Variants in FRMD4A observed in about 807,000 individuals in gnomAD.
The protein encoded by FRMD4A is FERM domain-containing protein 4A.
In FRMD4A, 29 loss-of-function variants were observed where a neutral mutation model predicts 129.1. That is an observed-to-expected ratio of 0.22 (90% confidence interval 0.17 to 0.31). The LOEUF (loss-of-function observed/expected upper bound fraction) is 0.31. FRMD4A is among the 10% of genes least tolerant of loss of function. The pLI is 1.00. For missense variants in FRMD4A, 1,272 were observed against 1,375.8 expected, an observed-to-expected ratio of 0.92 and a Z score of 1.19; for synonymous variants, 634 against 571.6, an observed-to-expected ratio of 1.11 and a Z score of -1.56.
chr10:14,283,665 A>G (rs1316979721), intron 2 of FRMD4A, among the ~76,000 whole-genome samples: 2 of 152,188 alleles, frequency 1.3e-5, no homozygotes, highest in African/African-American at 4.8e-5. Context: ...TTCCTTTGAT[A>G]ATGTGTAATG....
At chr10:13,961,819 A>C (rs1327211239) in intron 2 of FRMD4A, among the ~76,000 whole-genome samples, 1 of 152,194 alleles carries the variant, frequency 6.6e-6, no homozygotes, top group Non-Finnish European at 1.5e-5. Flanking sequence ...CCTTTATAAG[A>C]ATATGGAATC....
chr10:13,656,923 TCGCCGCCGC>T lies in FRMD4A; in HGVS notation c.2657_2665del (p.Gly886_Gly888del), dbSNP rs536647518. ...CGTCAGGCGGCCCGTGTCGCCCTCG[TCGCCGCCGC>T]CGCCGCGCCAGCTCTCCTTGAACAG... On this transcript the variant is annotated inframe_deletion, in exon 22 of 25. Transcript: ENST00000357447. 32 of 1,497,228 alleles carry T rather than the reference TCGCCGCCGC, an allele frequency of 2.1e-5. No homozygotes were observed. The South Asian group carries it at 2.6e-4, about 12-fold the overall frequency. The allele number at this position is 1,497,228 out of a possible 1,614,324, so 92.7% of individuals were successfully genotyped here.
At chr10:13,935,020 T>G (rs538217807) in intron 2 of FRMD4A, among the ~76,000 whole-genome samples, 2 of 152,258 alleles carry the variant, frequency 1.3e-5, no homozygotes, top group African/African-American at 4.8e-5. Flanking sequence ...TAGGGCCTCT[T>G]TTACAAGAGC....
chr10:14,000,749 C>T (rs1259154504), intron 2 of FRMD4A, among the ~76,000 whole-genome samples: 1 of 148,280 alleles, frequency 6.7e-6, no homozygotes, highest in African/African-American at 2.5e-5. Flanking sequence ...GATTGAAAGA[C>T]ACACAAAAGG....
At chr10:14,145,894 G>A (rs1176572253) in intron 2 of FRMD4A, among the ~76,000 whole-genome samples, 9 of 152,138 alleles carry the variant, frequency 5.9e-5, no homozygotes, top group South Asian at 4.2e-4. Flanking sequence ...TTAGAGTAAC[G>A]TGCTTATTTT....
chr10:14,145,832 TC>T (rs1197878869), intron 2 of FRMD4A, among the ~76,000 whole-genome samples: 1 of 152,170 alleles, frequency 6.6e-6, no homozygotes, highest in Non-Finnish European at 1.5e-5. Flanking sequence ...ATGTTCACCT[TC>T]TTTATAAGCA....
intron 2 of FRMD4A, among the ~76,000 whole-genome samples, chr10:14,309,267 T>C (rs1846457393): frequency 6.6e-6 from 1 of 152,060 alleles, no homozygotes; most frequent in Non-Finnish European, 1.5e-5. Flanking sequence ...TTGGACAACA[T>C]AGTGAGACCT....
chr10:14,065,674 T>C (rs868397059), intron 2 of FRMD4A, among the ~76,000 whole-genome samples: 3 of 152,134 alleles, frequency 2.0e-5, no homozygotes, highest in African/African-American at 7.2e-5. Context: ...TTTAGAGAAA[T>C]GTCCCCATCA....
chr10:13,803,638 C>G (rs1246692545), intron 4 of FRMD4A, among the ~76,000 whole-genome samples: 2 of 46,934 alleles, frequency 4.3e-5, no homozygotes, highest in Non-Finnish European at 8.4e-5. Context: ...ATACCCAGCC[C>G]CCAATTTTCT....
At chr10:13,685,001 ATATT>A in intron 15 of FRMD4A, 18 of 983,706 alleles carry the variant, frequency 1.8e-5, no homozygotes, top group Non-Finnish European at 2.2e-5. Flanking sequence ...TGATAAAAAG[ATATT>A]TATTTCCTTG....
At position 14,079,216 on chromosome 10, in the gene FRMD4A, C is replaced by T. The variant is rs141284909; in HGVS notation, c.46-220304G>A. Among the ~76,000 whole-genome samples, 428 of 152,198 alleles carry T rather than the reference C, an allele frequency of 2.8e-3. 4 individuals carry two copies. The highest frequency in any genetic ancestry group is 8.9e-3 in the African/African-American group (368 of 41,526). On this transcript the variant is annotated intron_variant, in intron 2 of 24. Transcript: ENST00000357447. The stretch of plus-strand genomic sequence containing the variant: ...AGGTGAGCTGTGGGGAGTTTACATA[C>T]GGAGGTGGAAAATGGCCAAACTGGG...
At chr10:13,654,755 C>T in intron 22 of FRMD4A, 1 of 538,816 alleles carries the variant, frequency 1.9e-6, no homozygotes, top group Non-Finnish European at 3.3e-6. Context: ...CTACCATGCA[C>T]CTTCATTCTG....
intron 2 of FRMD4A, among the ~76,000 whole-genome samples, chr10:14,198,103 C>T (rs1240295858): frequency 2.0e-5 from 3 of 152,224 alleles, no homozygotes; most frequent in Non-Finnish European, 2.9e-5. Flanking sequence ...CTTCAAACTA[C>T]TCTCCCAGAG....
intron 2 of FRMD4A, among the ~76,000 whole-genome samples, chr10:14,046,769 A>G (rs1307952418): frequency 2.0e-5 from 3 of 152,156 alleles, no homozygotes; most frequent in Admixed American, 2.0e-4. Flanking sequence ...TTTGCCCTGG[A>G]GCAGCCTGAA....
chr10:13,947,433 C>T (rs1029003355), intron 2 of FRMD4A, among the ~76,000 whole-genome samples: 5 of 151,876 alleles, frequency 3.3e-5, no homozygotes, highest in Non-Finnish European at 7.4e-5. Context: ...GACTTAAAAC[C>T]AGGGCACTCA....
intron 6 of FRMD4A, among the ~76,000 whole-genome samples, chr10:13,781,918 T>C (rs1445117479): frequency 1.3e-5 from 2 of 152,086 alleles, no homozygotes; most frequent in Non-Finnish European, 2.9e-5. Flanking sequence ...TATACAACAT[T>C]GTGAGTGTAC....
At chr10:13,890,999 C>A in intron 2 of FRMD4A, 1 of 229,742 alleles carries the variant, frequency 4.4e-6, no homozygotes, top group Non-Finnish European at 7.2e-6. Flanking sequence ...GGTGCAGCAC[C>A]GGGAATCTTT....
Position 14,310,619 on chromosome 10 carries a change from C to A in FRMD4A, c.45+19439G>T, listed in dbSNP as rs372672532. ...TACAGTAAAGAAACAGGCACAGGGC[C>A]GGCCAGGTAGCAAAAGCATCTGCAT... On this transcript the variant is annotated intron_variant, in intron 2 of 24. Coordinates refer to ENST00000357447, the MANE Select transcript of FRMD4A (RefSeq NM_018027.5). 8.2e-4 allele frequency among the ~76,000 whole-genome samples: 125 copies of A among 152,150 alleles called. 3 individuals are homozygous for A. In the South Asian group the frequency reaches 0.025, roughly 30 times the overall value.
At chr10:14,008,420 A>G (rs541467094) in intron 2 of FRMD4A, 1 of 1,024,542 alleles carries the variant, frequency 9.8e-7, no homozygotes, top group Non-Finnish European at 1.2e-6. Context: ...GCTTTCTTCC[A>G]TCTGTCCCTC....
Sources: allele counts gnomAD v4.1 joint callset (sites outside exome capture counted in the v4.1 genomes callset), GRCh38; gene constraint gnomAD v4.1.1; transcripts MANE v1.5; gene names NCBI Gene and HGNC (gene_info 2026-07-23, HGNC 2026-07-21).